Variants in LRGUK observed in about 807,000 individuals in gnomAD.
LRGUK encodes the protein leucine rich repeats and guanylate kinase domain containing, also known as leucine-rich repeat and guanylate kinase domain-containing protein.
In LRGUK, 65 loss-of-function variants were observed where a neutral mutation model predicts 76.0. The ratio of observed to expected loss-of-function variants is 0.85; its 90% CI spans 0.70 to 1.05. The LOEUF is 1.05. Among genes scored for constraint, LRGUK ranks in the 50% least tolerant of loss-of-function variants. The probability of loss-of-function intolerance (pLI) is 0.00; values close to 1 mark genes in which losing one functional copy is unlikely to be tolerated. For missense variants in LRGUK, 758 were observed against 732.8 expected (o/e 1.03, Z -0.40); for synonymous variants, 268 against 265.6 (o/e 1.01, Z -0.09).
At chr7:134,174,583 A>G in exon 8 of LRGUK, 2 of 1,609,064 alleles carry the variant, frequency 1.2e-6, no homozygotes, top group Non-Finnish European at 1.7e-6. Context: ...AATAGAATAC[A>G]TTAAAAATTT....
intron 9 of LRGUK, 120 bp from the exon 10 acceptor site, chr7:134,178,383 T>G: frequency 3.2e-6 from 2 of 621,328 alleles, no homozygotes; most frequent in South Asian, 4.4e-5. Context: ...GGGTGTGTGT[T>G]AAATTATTTT....
intron 7 of LRGUK, among the ~76,000 whole-genome samples, chr7:134,167,740 T>C (rs1799056951): frequency 6.6e-6 from 1 of 152,182 alleles, no homozygotes. Flanking sequence ...TCATGACAGC[T>C]GGTGTCTCTG....
intron 3 of LRGUK, 99 bp downstream of exon 3, chr7:134,139,616 A>G: frequency 1.4e-6 from 1 of 712,622 alleles, no homozygotes; most frequent in Non-Finnish European, 2.3e-6. Flanking sequence ...GATATCACTA[A>G]TTTGTGTATC....
Position 134,179,220 on chromosome 7 carries a change from C to T in LRGUK, c.1214+611C>T, listed in dbSNP as rs77419812. Among the ~76,000 whole-genome samples, 970 of 152,286 alleles carry T rather than the reference C, an allele frequency of 6.4e-3. 3 individuals are homozygous for T. The highest frequency in any genetic ancestry group is 0.011 in the Non-Finnish European group (766 of 68,026). ...GCTCGGTGGAACACATGAACAGAGT[C>T]TCTCACCTCTGAATTCGAAGACAGA... On this transcript the variant is annotated intron_variant, in intron 10 of 15. Transcript: ENST00000645682.
At chr7:134,205,500 T>C (rs1800966519) in intron 15 of LRGUK, among the ~76,000 whole-genome samples, 1 of 152,202 alleles carries the variant, frequency 6.6e-6, no homozygotes, top group African/African-American at 2.4e-5. Context: ...TTTAGATATA[T>C]GTGTATAAAC....
At chr7:134,269,760 G>A in the LRGUK span, among the ~76,000 whole-genome samples, 7,933 of 152,242 alleles carry the variant, frequency 0.052, 559 homozygotes, top group African/African-American at 0.15. Context: ...TGTGTGCGCT[G>A]TGACCAAGTG....
chr7:134,174,364 C>A (rs963265848), intron 7 of LRGUK, among the ~76,000 whole-genome samples, 192 bp from the exon 8 acceptor site: 3 of 152,230 alleles, frequency 2.0e-5, no homozygotes, highest in Admixed American at 6.5e-5. Flanking sequence ...TGTGTGCATG[C>A]ACAGTTATAG....
chr7:134,263,854 T>G (rs776266266), exon 20 of LRGUK: 3 of 1,610,212 alleles, frequency 1.9e-6, no homozygotes, highest in Non-Finnish European at 2.5e-6. Flanking sequence ...GCACTACCTA[T>G]ACAATCATTT....
At chr7:134,222,710 G>A (rs369718395) in intron 16 of LRGUK, among the ~76,000 whole-genome samples, 55 of 152,122 alleles carry the variant, frequency 3.6e-4, no homozygotes, top group East Asian at 2.3e-3. Flanking sequence ...CCAGGTTCAA[G>A]CGATTCTCCT....
At chr7:134,160,543 A>T (rs1307295865) in intron 6 of LRGUK, among the ~76,000 whole-genome samples, 1 of 152,220 alleles carries the variant, frequency 6.6e-6, no homozygotes, top group Non-Finnish European at 1.5e-5. Flanking sequence ...TACTATTGAA[A>T]ATAATTTACA....
At chr7:134,218,975 C>T (rs1010623011) in intron 15 of LRGUK, among the ~76,000 whole-genome samples, 1 of 152,110 alleles carries the variant, frequency 6.6e-6, no homozygotes, top group Non-Finnish European at 1.5e-5. Context: ...TTCATTTATG[C>T]TTCATTGCAG....
intron 5 of LRGUK, among the ~76,000 whole-genome samples, chr7:134,154,920 A>G (rs1159015119): frequency 1.3e-5 from 2 of 152,160 alleles, no homozygotes; most frequent in African/African-American, 4.8e-5. Flanking sequence ...TTGATTCCTG[A>G]TATCTCTTGA....
intron 11 of LRGUK, among the ~76,000 whole-genome samples, chr7:134,184,219 G>C (rs1025362166): frequency 1.3e-5 from 2 of 151,992 alleles, no homozygotes; most frequent in Non-Finnish European, 2.9e-5. Flanking sequence ...TGTACTCCTG[G>C]CAATAGAAGA....
At chr7:134,257,325 G>A (rs866513607) in intron 18 of LRGUK, among the ~76,000 whole-genome samples, 119 of 152,314 alleles carry the variant, frequency 7.8e-4, no homozygotes, top group African/African-American at 2.7e-3. Context: ...AGTGGTAGAA[G>A]TGCCTGTAAA....
chr7:134,206,407 C>T (rs1292020744), intron 15 of LRGUK, among the ~76,000 whole-genome samples: 3 of 151,920 alleles, frequency 2.0e-5, no homozygotes, highest in Non-Finnish European at 2.9e-5. Flanking sequence ...CCCGGCTACT[C>T]GGGAGGCTGA....
At chr7:134,241,880 TAG>T (rs1266417414) in intron 16 of LRGUK, among the ~76,000 whole-genome samples, 2 of 152,182 alleles carry the variant, frequency 1.3e-5, no homozygotes, top group African/African-American at 4.8e-5. Context: ...GCAATCAAAC[TAG>T]AGCTCAGGAT....
intron 14 of LRGUK, among the ~76,000 whole-genome samples, chr7:134,199,990 A>C (rs1800689238): frequency 2.0e-5 from 2 of 99,362 alleles, no homozygotes; most frequent in African/African-American, 8.3e-5. Context: ...TTTTATATAT[A>C]TATATATATA....
At position 134,259,776 on chromosome 7, in the gene LRGUK, T is replaced by C. The variant is rs143006478; in HGVS notation, c.2347+1371T>C. 2.0e-5 allele frequency among the ~76,000 whole-genome samples: 3 copies of C among 152,110 alleles called. No homozygotes were observed. In the East Asian group the frequency reaches 5.8e-4, roughly 29 times the overall value. Reference sequence around the variant, plus strand: ...GGCCTTCATGTCAGCTCGCAGGAAGTGGGAAATGTTCTAGGAATTCTGTAA... The same window carrying C: ...GGCCTTCATGTCAGCTCGCAGGAAGCGGGAAATGTTCTAGGAATTCTGTAA... On this transcript the variant is annotated intron_variant, in intron 19 of 19. Transcript: ENST00000285928.
intron 7 of LRGUK, among the ~76,000 whole-genome samples, chr7:134,165,904 G>T (rs2116943754): frequency 6.6e-6 from 1 of 152,254 alleles, no homozygotes; most frequent in East Asian, 1.9e-4. Flanking sequence ...CGTGAAGAAA[G>T]GAGTTTATAA....
Sources: allele counts gnomAD v4.1 joint callset (sites outside exome capture counted in the v4.1 genomes callset), GRCh38; gene constraint gnomAD v4.1.1; transcripts MANE v1.5; gene names NCBI Gene and HGNC (gene_info 2026-07-23, HGNC 2026-07-21).